RBM48: variants seen among roughly 807,000 people sequenced by gnomAD.
RBM48 encodes the protein RNA-binding protein 48.
Under a neutral mutation model 34.8 loss-of-function variants are expected in RBM48, and 32 were observed. The observed-to-expected ratio is 0.92, with a 90% CI of 0.69 to 1.23. The LOEUF is 1.23. Among genes scored for constraint, RBM48 ranks in the 50% most tolerant of loss-of-function variants. The pLI is 0.00. For synonymous variants in RBM48, 151 were observed against 156.2 expected, an observed-to-expected ratio of 0.97 and a Z score of 0.25; for missense variants, 441 against 447.2, an observed-to-expected ratio of 0.99 and a Z score of 0.12.
At chr7:92,529,698 C>T (rs1361917165) in intron 2 of RBM48, 32 bp downstream of exon 2, 2 of 1,334,120 alleles carry the variant, frequency 1.5e-6, no homozygotes, top group Non-Finnish European at 2.1e-6. Flanking sequence ...GACTCATTTC[C>T]TCATTTCTTC....
Position 92,529,481 on chromosome 7 carries a change from T to C in RBM48, c.117T>C (p.Tyr39=), listed in dbSNP as rs1411148233. 6.3e-7 allele frequency: 1 copy of C among 1,590,294 alleles called. No homozygotes were observed. Among genetic ancestry groups the C allele is most frequent in the South Asian group, 1.1e-5 (1 of 88,930 alleles). ...EGRRPRAVKV[Y]TINLESQYLL... ...TAACTCTGCATTTCTTTCAGGTATA[T>C]ACAATCAATTTGGAATCTCAGTACT... is the stretch of plus-strand genomic sequence containing the variant. The change falls in exon 2 of 5, where the codon TAT becomes TAC. Residue 39 remains tyrosine, a synonymous_variant. Coordinates refer to ENST00000265732, the MANE Select transcript of RBM48 (RefSeq NM_032120.4).
chr7:92,538,466 C>G lies in RBM48; in HGVS notation c.*1529C>G, dbSNP rs1439474197. Reference sequence around the variant, plus strand: ...TGGGAGACAGGAAGAGAAATGGCCTCTCTCCTCACACTGATCCAAATTAAC... The same window carrying G: ...TGGGAGACAGGAAGAGAAATGGCCTGTCTCCTCACACTGATCCAAATTAAC... On this transcript the variant is annotated 3_prime_UTR_variant, in exon 5 of 5. Transcript: ENST00000265732. Among the ~76,000 whole-genome samples, 2 of 152,138 alleles carry G rather than the reference C, an allele frequency of 1.3e-5. No individual in the cohort carries two copies. The highest frequency in any genetic ancestry group is 2.4e-5 in the African/African-American group (1 of 41,408).
chr7:92,535,055 G>A (rs764476092), intron 4 of RBM48, 85 bp downstream of exon 4: 3 of 1,527,334 alleles, frequency 2.0e-6, no homozygotes, highest in Non-Finnish European at 2.6e-6. Flanking sequence ...CAATAGTACT[G>A]TAATTTTTTT....
chr7:92,540,286 T>C lies in RBM48; in HGVS notation c.*3349T>C, dbSNP rs1793830918. On this transcript the variant is annotated 3_prime_UTR_variant, in exon 5 of 5. Coordinates refer to ENST00000265732, the MANE Select transcript of RBM48 (RefSeq NM_032120.4). ...ACTATACATTTGCTTCTGGTAAACATGGTCCAAACACCTCCAACAGAAGTC... is the reference window on the plus strand; with the variant it reads ...ACTATACATTTGCTTCTGGTAAACACGGTCCAAACACCTCCAACAGAAGTC... 2 of 152,268 alleles carry C rather than the reference T, an allele frequency of 1.3e-5. No homozygotes were observed. The highest frequency in any genetic ancestry group is 2.9e-5 in the Non-Finnish European group (2 of 68,050). The allele number at this position is 152,268 out of a possible 1,614,324, so 9.4% of individuals were successfully genotyped here.
rs200740112 is a variant in RBM48, at chr7:92,532,557, A to G, written c.448+8A>G. On this transcript the variant is annotated splice_region_variant and intron_variant, in intron 3 of 4. Transcript: ENST00000265732. ...AAACTACTGAAAATAAAGGTATGGA[A>G]AGCATATTGCTAAATGCCTCCTGTG... The G allele has an allele frequency of 6.2e-7, 1 of 1,603,072 alleles. No homozygotes were observed. Among genetic ancestry groups the G allele is most frequent in the Non-Finnish European group, 8.5e-7 (1 of 1,173,176 alleles).
In RBM48 at chr7:92,534,815, AGAG is replaced by A; in HGVS notation, c.863_865del (p.Arg288_Glu289delinsLys). On this transcript the variant is annotated inframe_deletion, in exon 4 of 5. Transcript: ENST00000265732. ...ACAACTGCAGGAGCGCAAAAGAAGAAGAGAAGATGATCGTAAACTTGGAACTTT... is the reference window on the plus strand; with the variant it reads ...ACAACTGCAGGAGCGCAAAAGAAGAAAAGATGATCGTAAACTTGGAACTTT... 1.9e-6 allele frequency: 3 copies of A among 1,614,218 alleles called. No homozygotes were observed. The highest frequency in any genetic ancestry group is 1.7e-6 in the Non-Finnish European group (2 of 1,180,032).
At chr7:92,531,800 T>C (rs1241082530) in intron 2 of RBM48, among the ~76,000 whole-genome samples, 2 of 152,244 alleles carry the variant, frequency 1.3e-5, no homozygotes, top group Non-Finnish European at 2.9e-5. Flanking sequence ...AGTGAAGCGC[T>C]TATGACATTG....
At position 92,532,504 on chromosome 7, in the gene RBM48, C is replaced by A. The variant is rs970590836; in HGVS notation, c.403C>A (p.Leu135Ile). 3.1e-6 allele frequency: 5 copies of A among 1,612,920 alleles called. No individual in the cohort carries two copies. The highest frequency in any genetic ancestry group is 3.4e-6 in the Non-Finnish European group (4 of 1,179,250). The change falls in exon 3 of 5, where the codon CTA becomes ATA. Residue 135 changes from leucine to isoleucine, a missense_variant. Coordinates refer to ENST00000265732, the MANE Select transcript of RBM48 (RefSeq NM_032120.4). ...AACAGTTGAAGAAACTAGAAAAAAA[C>A]TACAAATGCGGAAGGCATATGTAGT... ...FETVEETRKK[L>I]QMRKAYVVKT...
intron 4 of RBM48, chr7:92,536,080 A>G: frequency 1.3e-6 from 1 of 798,456 alleles, no homozygotes; most frequent in Non-Finnish European, 1.5e-6. Flanking sequence ...CAGTGAGCCA[A>G]GATCATGCCA....
chr7:92,536,554 A>G (rs1793716612), intron 4 of RBM48: 1 of 1,022,236 alleles, frequency 9.8e-7, no homozygotes, highest in Non-Finnish European at 1.2e-6. Flanking sequence ...AATCCGTAAT[A>G]TAACAAGTGT....
intron 1 of RBM48, 145 bp downstream of exon 1, chr7:92,529,069 A>G: frequency 2.9e-6 from 2 of 684,134 alleles, no homozygotes; most frequent in East Asian, 2.7e-5. Context: ...ACCCTCGGTC[A>G]GTTACCAAAG....
chr7:92,533,170 A>G (rs950816988), intron 3 of RBM48, among the ~76,000 whole-genome samples: 12 of 152,218 alleles, frequency 7.9e-5, no homozygotes, highest in African/African-American at 2.9e-4. Context: ...ACTCTTGGAA[A>G]ACTTACTCAG....
chr7:92,529,714 A>G (rs1227830926), intron 2 of RBM48, 48 bp downstream of exon 2: 6 of 1,258,908 alleles, frequency 4.8e-6, no homozygotes, highest in Non-Finnish European at 6.6e-6. Flanking sequence ...TCTTCCATTC[A>G]TATTTCTGTC....
chr7:92,534,694 A>G lies in RBM48; in HGVS notation c.741A>G (p.Thr247=). The change falls in exon 4 of 5, where the codon ACA becomes ACG. Residue 247 remains threonine, a synonymous_variant. Transcript: ENST00000265732. ...HYNHNDSLRK[T]QINSLKNSVA... ...ACCACAATGACTCTTTGCGGAAAAC[A>G]CAGATAAACTCTTTGAAAAACTCAG... The G allele has an allele frequency of 6.2e-7, 1 of 1,614,226 alleles. No individual in the cohort carries two copies. Among genetic ancestry groups the G allele is most frequent in the Non-Finnish European group, 8.5e-7 (1 of 1,180,046 alleles).
chr7:92,529,233 C>A (rs1351539267), intron 1 of RBM48: 2 of 573,102 alleles, frequency 3.5e-6, no homozygotes, highest in East Asian at 5.8e-5. Flanking sequence ...GTGACTTCTA[C>A]CGACTCAATT....
At chr7:92,529,743 C>T in intron 2 of RBM48, 77 bp downstream of exon 2, 2 of 925,930 alleles carry the variant, frequency 2.2e-6, no homozygotes, top group South Asian at 3.5e-5. Flanking sequence ...CCCAAGTTTC[C>T]CTCATTCATA....
In RBM48 at chr7:92,532,496, G is replaced by A. The variant is rs1021831084; in HGVS notation, c.395G>A (p.Arg132Lys). ...GAATTTGAAACAGTTGAAGAAACTA[G>A]AAAAAAACTACAAATGCGGAAGGCA... The part of the protein sequence containing the change: ...APEFETVEET[R>K]KKLQMRKAYV... The change falls in exon 3 of 5, where the codon AGA (arginine) becomes AAA (lysine). Residue 132 changes from arginine (R) to lysine (K), a missense_variant. Coordinates refer to ENST00000265732, the MANE Select transcript of RBM48 (RefSeq NM_032120.4). The A allele has an allele frequency of 3.1e-6, 5 of 1,612,538 alleles. No individual in the cohort carries two copies. Among genetic ancestry groups the A allele is most frequent in the Non-Finnish European group, 3.4e-6 (4 of 1,179,032 alleles).
chr7:92,532,655 C>A, intron 3 of RBM48, 106 bp downstream of exon 3: 1 of 755,962 alleles, frequency 1.3e-6, no homozygotes, highest in Admixed American at 2.7e-5. Flanking sequence ...TAAACCATCA[C>A]AGTATTCAGT....
chr7:92,529,384 T>A (rs1793478489), intron 1 of RBM48, 92 bp from the exon 2 acceptor site: 1 of 746,884 alleles, frequency 1.3e-6, no homozygotes, highest in African/African-American at 1.8e-5. Flanking sequence ...AGATTATTTC[T>A]TGTTTTCAAA....
Sources: gnomAD v4.1 joint callset for allele counts (sites outside exome capture counted in the v4.1 genomes callset) on GRCh38, gnomAD v4.1.1 for gene constraint, MANE v1.5 for transcripts, NCBI Gene and HGNC (gene_info 2026-07-23, HGNC 2026-07-21) for gene names.